RIF1: variants seen among roughly 807,000 people sequenced by gnomAD.
The protein encoded by RIF1 is telomere-associated protein RIF1.
A neutral mutation model predicts 247.1 loss-of-function variants in RIF1; 45 were observed. The ratio of observed to expected loss-of-function variants is 0.18; its 90% confidence interval spans 0.14 to 0.23. The LOEUF is 0.23. Among genes scored for constraint, RIF1 ranks in the 10% least tolerant of loss-of-function variants. The pLI is 1.00. For synonymous variants in RIF1, 1,087 were observed against 978.8 expected, an observed-to-expected ratio of 1.11 and a Z score of -2.06; for missense variants, 2,967 against 2,862.5, an observed-to-expected ratio of 1.04 and a Z score of -0.83.
intron 8 of RIF1, among the ~76,000 whole-genome samples, chr2:151,427,378 T>G (rs2152271488): frequency 6.6e-6 from 1 of 151,916 alleles, no homozygotes; most frequent in East Asian, 2.0e-4. Flanking sequence ...GCCTGGCTGA[T>G]TTTTGTATTT....
downstream of RIF1, among the ~76,000 whole-genome samples, chr2:151,510,624 T>C (rs2073434894): frequency 6.6e-6 from 1 of 152,254 alleles, no homozygotes; most frequent in Non-Finnish European, 1.5e-5. Context: ...ATATAACTTT[T>C]ATTACAGTAT....
chr2:151,494,330 A>C, intron 9 of RIF1: 1 of 984,818 alleles, frequency 1.0e-6, no homozygotes, highest in East Asian at 2.6e-5. Context: ...TGGTACAGAT[A>C]ACTTTTGATT....
chr2:151,417,452 G>T (rs1244542858), intron 6 of RIF1, among the ~76,000 whole-genome samples: 1 of 152,034 alleles, frequency 6.6e-6, no homozygotes, highest in Non-Finnish European at 1.5e-5. Flanking sequence ...TGGTTCTCTG[G>T]CTATCCTTTT....
intron 16 of RIF1, 123 bp from the exon 17 acceptor site, chr2:151,443,136 C>G: frequency 1.5e-6 from 1 of 652,534 alleles, no homozygotes; most frequent in Non-Finnish European, 2.6e-6. Context: ...TTGTCATACC[C>G]TAAGTAATGC....
At position 151,464,189 on chromosome 2, in the gene RIF1, T is replaced by G. The variant is rs751325810; in HGVS notation, c.4669T>G (p.Ser1557Ala). Residue 1557 changes from serine to alanine, a missense_variant, in exon 30 of 36, where the codon TCG becomes GCG. Physicochemically the swap from Ser to Ala is moderately conservative, Grantham distance 99. Around this residue, in one of 7 missense-constraint regions of RIF1, gnomAD observed 2,028 missense variants for 1,825.6 expected, o/e 1.11. Transcript: ENST00000444746. ...CATTGAAAACTCAGAATCTGATAGTTCGGAGGCAAAAGAAGAAGGTTCTAG... is the reference window on the plus strand; with the variant it reads ...CATTGAAAACTCAGAATCTGATAGTGCGGAGGCAAAAGAAGAAGGTTCTAG... Reference protein sequence around the residue: ...SSIENSESDSSEAKEEGSRKK... With the variant: ...SSIENSESDSAEAKEEGSRKK... The G allele has an allele frequency of 3.6e-5, 58 of 1,611,922 alleles. No homozygotes were observed. The highest frequency in any genetic ancestry group is 4.7e-5 in the Non-Finnish European group (56 of 1,179,576).
Position 151,475,113 on chromosome 2 carries a change from A to C in RIF1, c.*42A>C. On this transcript the variant is annotated 3_prime_UTR_variant, in exon 36 of 36. Coordinates refer to ENST00000444746, the MANE Select transcript of RIF1 (RefSeq NM_018151.5). ...TGAAGGTTTTTTTAAACATCACTGGATTTCTTGATTGAGGAAACAAGTTCT... is the reference window on the plus strand; with the variant it reads ...TGAAGGTTTTTTTAAACATCACTGGCTTTCTTGATTGAGGAAACAAGTTCT... 7.5e-7 allele frequency: 1 copy of C among 1,329,686 alleles called. No homozygotes were observed. The highest frequency in any genetic ancestry group is 1.1e-6 in the Non-Finnish European group (1 of 926,936). The allele number at this position is 1,329,686 out of a possible 1,614,324, so 82.4% of individuals were successfully genotyped here.
intron 7 of RIF1, among the ~76,000 whole-genome samples, 191 bp from the exon 8 acceptor site, chr2:151,422,759 C>A (rs996960472): frequency 3.3e-5 from 5 of 151,806 alleles, no homozygotes; most frequent in Non-Finnish European, 5.9e-5. Context: ...GCAGGTGATT[C>A]TCCTGCCTCA....
the RIF1 span, among the ~76,000 whole-genome samples, chr2:151,531,508 G>A: frequency 6.6e-6 from 1 of 151,842 alleles, no homozygotes; most frequent in Non-Finnish European, 1.5e-5. Flanking sequence ...GTAGAGATGG[G>A]GTTTTGCCAT....
intron 9 of RIF1, chr2:151,490,561 T>G (rs369504639): frequency 6.3e-7 from 1 of 1,592,708 alleles, no homozygotes; most frequent in African/African-American, 1.3e-5. Flanking sequence ...AACATGAAAT[T>G]TCTATGGTAG....
intron 22 of RIF1, among the ~76,000 whole-genome samples, chr2:151,455,611 A>G (rs572849751): frequency 2.0e-5 from 3 of 152,340 alleles, no homozygotes; most frequent in African/African-American, 4.8e-5. Context: ...CAATATGACA[A>G]TTATTTACAT....
At chr2:151,490,531 CA>C (rs2055524508) in intron 9 of RIF1, 2 of 1,606,296 alleles carry the variant, frequency 1.2e-6, no homozygotes, top group African/African-American at 2.7e-5. Context: ...GGGAGAGATG[CA>C]GTTGGGGGAG....
chr2:151,479,231 G>A lies in RIF1; in HGVS notation c.*4160G>A, dbSNP rs2049068284. ...ATTTTGTGAATTGGGGATGCAGACT[G>A]GTTTTGAAGGCTTAAAGTTCAAAAA... is the stretch of plus-strand genomic sequence containing the variant. On this transcript the variant is annotated 3_prime_UTR_variant, in exon 36 of 36. Transcript: ENST00000444746. 6.6e-6 allele frequency: 1 copy of A among 152,094 alleles called. No individual in the cohort carries two copies. Among genetic ancestry groups the A allele is most frequent in the Non-Finnish European group, 1.5e-5 (1 of 68,020 alleles). 9.4% of individuals were successfully genotyped at this position (152,094 alleles called of 1,614,324 possible). A position where few individuals can be genotyped will look rare whatever the true frequency, so the allele number is the denominator to read the frequency against.
chr2:151,465,444 T>G lies in RIF1; in HGVS notation c.5924T>G (p.Leu1975Arg), dbSNP rs1696751466. The change falls in exon 30 of 36, where the codon CTT (leucine) becomes CGT (arginine). Residue 1975 changes from leucine to arginine, a missense_variant. Transcript: ENST00000444746. Reference sequence around the variant, plus strand: ...GAGGAATTTAATTCAGATATTAGTCTTTCTGATAATACTACACCTGTAAAA... The same window carrying G: ...GAGGAATTTAATTCAGATATTAGTCGTTCTGATAATACTACACCTGTAAAA... ...ATEEFNSDISLSDNTTPVKLN... is the reference protein window; with the variant it reads ...ATEEFNSDISRSDNTTPVKLN... 1.2e-6 allele frequency: 2 copies of G among 1,614,036 alleles called. No homozygotes were observed. Among genetic ancestry groups the G allele is most frequent in the East Asian group, 4.5e-5 (2 of 44,878 alleles).
At chr2:151,416,348 CTGT>C (rs1264973238) in intron 4 of RIF1, among the ~76,000 whole-genome samples, 2 of 152,078 alleles carry the variant, frequency 1.3e-5, no homozygotes, top group African/African-American at 2.4e-5. Flanking sequence ...GATTTGGTGT[CTGT>C]TGTTTTATTT....
Position 151,468,689 on chromosome 2 carries a change from T to A in RIF1, c.6874T>A (p.Tyr2292Asn), listed in dbSNP as rs1697337999. 6.2e-7 allele frequency: 1 copy of A among 1,613,972 alleles called. No individual in the cohort carries two copies. The highest frequency in any genetic ancestry group is 1.1e-5 in the South Asian group (1 of 91,090). Reference protein sequence around the residue: ...ESIPCPTESVYPPLVNCVAPV... With the variant: ...ESIPCPTESVNPPLVNCVAPV... ...CATACCATGCCCAACAGAAAGTGTT[T>A]ACCCACCATTGGTGAACTGTGTGGC... The change falls in exon 33 of 36, where the codon TAC becomes AAC. Residue 2292 changes from tyrosine to asparagine, a missense_variant. By Grantham distance (143) the Tyr-to-Asn change is moderately radical. Transcript: ENST00000444746.
intron 10 of RIF1, chr2:151,496,244 G>C (rs1231785186): frequency 6.6e-7 from 1 of 1,520,684 alleles, no homozygotes; most frequent in African/African-American, 1.4e-5. Context: ...TTTAAAATCA[G>C]TAAGTAGTTT....
intron 8 of RIF1, among the ~76,000 whole-genome samples, chr2:151,424,942 T>C (rs2152238312): frequency 6.8e-6 from 1 of 147,060 alleles, no homozygotes; most frequent in East Asian, 2.0e-4. Flanking sequence ...GCCTCCAAAA[T>C]TGTTGGATTA....
chr2:151,429,370 A>G (rs1194925372), intron 9 of RIF1, among the ~76,000 whole-genome samples: 1 of 152,088 alleles, frequency 6.6e-6, no homozygotes, highest in Non-Finnish European at 1.5e-5. Flanking sequence ...TAGTAGAGAC[A>G]GGGTTTCACT....
At chr2:151,498,297 A>C in intron 10 of RIF1, 1 of 1,551,552 alleles carries the variant, frequency 6.4e-7, no homozygotes, top group Non-Finnish European at 8.7e-7. Context: ...GACTCTCTGC[A>C]TCTCAGGAGT....
Sources: gnomAD v4.1 joint callset for allele counts (sites outside exome capture counted in the v4.1 genomes callset) on GRCh38, gnomAD v4.1.1 for gene constraint, gnomAD v4.1.1 regional missense constraint, MANE v1.5 for transcripts, NCBI Gene and HGNC (gene_info 2026-07-23, HGNC 2026-07-21) for gene names.